Variants in AKR1D1 observed in about 807,000 individuals in gnomAD.
AKR1D1 encodes aldo-keto reductase family 1 member D1, also known as delta(4)-3-ketosteroid 5-beta-reductase.
AKR1D1 carries 32 observed loss-of-function variants against 42.6 expected under a neutral mutation model. The ratio of observed to expected loss-of-function variants is 0.75; its 90% CI spans 0.57 to 1.01. AKR1D1 has a LOEUF of 1.01. Among genes scored for constraint, AKR1D1 ranks in the 50% least tolerant of loss-of-function variants. The pLI, the probability that AKR1D1 is intolerant of heterozygous loss-of-function variation, is 0.00. For synonymous variants in AKR1D1, 123 were observed against 135.5 expected (o/e 0.91, Z 0.64); for missense variants, 364 against 402.2 (o/e 0.91, Z 0.81).
intron 8 of AKR1D1, among the ~76,000 whole-genome samples, chr7:138,114,441 C>G (rs1396826810): frequency 6.6e-6 from 1 of 152,008 alleles, no homozygotes; most frequent in African/African-American, 2.4e-5. Context: ...GGGCGGATCA[C>G]CTTAGGTCGG....
At chr7:138,114,306 A>G (rs2117476524) in intron 8 of AKR1D1, among the ~76,000 whole-genome samples, 1 of 152,302 alleles carries the variant, frequency 6.6e-6, no homozygotes, top group South Asian at 2.1e-4. Context: ...TACTCCTTCA[A>G]AATGTCAAGT....
At chr7:138,086,663 C>T (rs965540514) in intron 1 of AKR1D1, among the ~76,000 whole-genome samples, 7 of 152,198 alleles carry the variant, frequency 4.6e-5, no homozygotes, top group African/African-American at 1.4e-4. Flanking sequence ...TTTATTCTCT[C>T]GCTCAGCCTA....
intron 5 of AKR1D1, among the ~76,000 whole-genome samples, chr7:138,106,078 T>C (rs1202230140): frequency 6.6e-6 from 1 of 152,222 alleles, no homozygotes; most frequent in African/African-American, 2.4e-5. Flanking sequence ...GATTTTTCTA[T>C]TGCACATCAA....
intron 1 of AKR1D1, among the ~76,000 whole-genome samples, chr7:138,088,277 G>A (rs567271344): frequency 5.9e-5 from 9 of 152,236 alleles, no homozygotes; most frequent in African/African-American, 2.2e-4. Flanking sequence ...TTATAATTTA[G>A]CCTTCTTCAA....
chr7:138,111,970 T>G (rs1008950870), intron 7 of AKR1D1, among the ~76,000 whole-genome samples: 1 of 152,220 alleles, frequency 6.6e-6, no homozygotes, highest in Non-Finnish European at 1.5e-5. Context: ...GAAGGAGATT[T>G]TTAATTCTTT....
At chr7:138,079,140 T>G (rs1293423313) in intron 1 of AKR1D1, among the ~76,000 whole-genome samples, 1 of 152,100 alleles carries the variant, frequency 6.6e-6, no homozygotes, top group Non-Finnish European at 1.5e-5. Context: ...CCCTAAACAT[T>G]CCTTACTTTC....
intron 5 of AKR1D1, 63 bp downstream of exon 5, chr7:138,105,492 A>T: frequency 6.2e-7 from 1 of 1,607,980 alleles, no homozygotes; most frequent in African/African-American, 1.3e-5. Context: ...TGACACAAAG[A>T]AGCCTCAGCT....
chr7:138,114,416 T>G (rs1311972955), intron 8 of AKR1D1, among the ~76,000 whole-genome samples: 2 of 151,986 alleles, frequency 1.3e-5, no homozygotes, highest in African/African-American at 4.8e-5. Flanking sequence ...CGCCAATACT[T>G]TGGGAGGCTA....
chr7:138,087,903 T>C (rs1157256356), intron 1 of AKR1D1, among the ~76,000 whole-genome samples: 2 of 151,882 alleles, frequency 1.3e-5, no homozygotes, highest in Non-Finnish European at 2.9e-5. Context: ...CTTTTTTTTT[T>C]TTTTTGAGAC....
At chr7:138,076,645 T>C (rs374278061) in intron 1 of AKR1D1, 34 bp downstream of exon 1, 1,062 of 1,550,478 alleles carry the variant, frequency 6.8e-4, no homozygotes, top group Non-Finnish European at 8.8e-4. Context: ...GCTTGCTTGT[T>C]TGTTTCTTTT....
chr7:138,093,315 C>T (rs151104069), intron 3 of AKR1D1, among the ~76,000 whole-genome samples: 2,525 of 152,234 alleles, frequency 0.017, 74 homozygotes, highest in African/African-American at 0.057. Context: ...GATCCGCCCA[C>T]CTCGGCCTCC....
intron 2 of AKR1D1, 113 bp from the exon 3 acceptor site, chr7:138,091,655 C>G: frequency 1.4e-6 from 1 of 715,448 alleles, no homozygotes; most frequent in Non-Finnish European, 2.4e-6. Flanking sequence ...CATAGTGAGA[C>G]CCCCCATCTC....
rs556252879 is a variant in AKR1D1, at chr7:138,102,442, T to C, written c.457-2865T>C. ...ATTAGTCGTGCATGGGAGTTGCATG[T>C]GCCTGTGGTCCCAGCTACTCAGGAG... On this transcript the variant is annotated intron_variant, in intron 4 of 8. Transcript: ENST00000242375. Among the ~76,000 whole-genome samples, 14 of 152,180 alleles carry C rather than the reference T, an allele frequency of 9.2e-5. No homozygotes were observed. The East Asian group carries it at 2.7e-3, about 29-fold the overall frequency.
chr7:138,116,459 T>C (rs889679381), intron 8 of AKR1D1, among the ~76,000 whole-genome samples, 161 bp from the exon 9 acceptor site: 1 of 152,112 alleles, frequency 6.6e-6, no homozygotes, highest in Admixed American at 6.5e-5. Context: ...GAAAAGGTGC[T>C]GGCTTGAGGG....
Position 138,091,809 on chromosome 7 carries a change from C to G in AKR1D1, c.303C>G (p.Thr101=), listed in dbSNP as rs769216622. ...ATGTCCCAGAGATGGTCCGCCCAAC[C>G]CTGGAGAGGACACTCAGGGTCCTCC... ...TNHVPEMVRP[T]LERTLRVLQL... The change falls in exon 3 of 9, where the codon ACC becomes ACG. Residue 101 remains threonine, a synonymous_variant. Coordinates refer to ENST00000242375, the MANE Select transcript of AKR1D1 (RefSeq NM_005989.4). 1 of 1,614,052 alleles carries G rather than the reference C, an allele frequency of 6.2e-7. No homozygotes were observed. The highest frequency in any genetic ancestry group is 8.5e-7 in the Non-Finnish European group (1 of 1,179,928).
chr7:138,085,551 T>A (rs1252316306), intron 1 of AKR1D1, among the ~76,000 whole-genome samples: 1 of 151,670 alleles, frequency 6.6e-6, no homozygotes, highest in Non-Finnish European at 1.5e-5. Flanking sequence ...TTCAAGAGAT[T>A]CCCCTGCCTC....
chr7:138,092,767 T>C (rs1316759998), intron 3 of AKR1D1, among the ~76,000 whole-genome samples: 1 of 152,084 alleles, frequency 6.6e-6, no homozygotes, highest in Non-Finnish European at 1.5e-5. Context: ...ACAGTAAAAA[T>C]ATGGCATAAA....
At chr7:138,076,665 C>T (rs545899980) in intron 1 of AKR1D1, 54 bp downstream of exon 1, 16 of 1,444,602 alleles carry the variant, frequency 1.1e-5, no homozygotes, top group Middle Eastern at 2.2e-4. Context: ...TAACATTTGC[C>T]TATAGCATAA....
intron 4 of AKR1D1, among the ~76,000 whole-genome samples, chr7:138,103,970 A>G (rs76659074): frequency 6.6e-6 from 1 of 152,084 alleles, no homozygotes; most frequent in African/African-American, 2.4e-5. Context: ...CTCATCTCCA[A>G]AAAATATTTT....
Sources: gnomAD v4.1 joint callset for allele counts (sites outside exome capture counted in the v4.1 genomes callset) on GRCh38, gnomAD v4.1.1 for gene constraint, MANE v1.5 for transcripts, NCBI Gene and HGNC (gene_info 2026-07-23, HGNC 2026-07-21) for gene names.